LRIG1: variants seen among roughly 807,000 people sequenced by gnomAD.
The protein encoded by LRIG1 is leucine rich repeats and immunoglobulin like domains 1.
A neutral mutation model predicts 99.2 loss-of-function variants in LRIG1; 48 were observed. That is an observed-to-expected ratio of 0.48 (90% CI 0.38 to 0.62). The LOEUF (loss-of-function observed/expected upper bound fraction) is 0.62. Among genes scored for constraint, LRIG1 ranks in the 20% least tolerant of loss-of-function variants. LRIG1 has a pLI of 0.00. For missense variants in LRIG1, 1,646 were observed against 1,434.4 expected, an observed-to-expected ratio of 1.15 and a Z score of -2.38; for synonymous variants, 772 against 596.1, an observed-to-expected ratio of 1.29 and a Z score of -4.30.
intron 1 of LRIG1, among the ~76,000 whole-genome samples, chr3:66,490,780 A>G (rs904541413): frequency 6.6e-6 from 1 of 152,350 alleles, no homozygotes; most frequent in Non-Finnish European, 1.5e-5. Flanking sequence ...CATGTTGGAC[A>G]GCTTTTAAGG....
intron 13 of LRIG1, 66 bp from the exon 14 acceptor site, chr3:66,384,338 G>A (rs1701258237): frequency 1.3e-6 from 2 of 1,504,978 alleles, no homozygotes; most frequent in East Asian, 2.3e-5. Context: ...GAAGTCCTCT[G>A]GCAAACACCT....
At position 66,407,397 on chromosome 3, in the gene LRIG1, T is replaced by TG; in HGVS notation, c.1029dup (p.Ser344GlnfsTer22). 1 of 1,614,094 alleles carries TG rather than the reference T, an allele frequency of 6.2e-7. No individual in the cohort carries two copies. The highest frequency in any genetic ancestry group is 8.5e-7 in the Non-Finnish European group (1 of 1,180,030). On this transcript the variant is annotated frameshift_variant, in exon 8 of 19. Transcript: ENST00000273261. LOFTEE classifies it high-confidence loss of function. Reference sequence around the variant, plus strand: ...TTGAAGGCACCCTCCGCAATGTGGCTGATGGAATTGTGGCTGAGACGCAGG... The same window carrying TG: ...TTGAAGGCACCCTCCGCAATGTGGCTGGATGGAATTGTGGCTGAGACGCAGG...
intron 1 of LRIG1, among the ~76,000 whole-genome samples, chr3:66,484,955 A>G (rs757300147): frequency 1.5e-4 from 23 of 152,022 alleles, no homozygotes; most frequent in Non-Finnish European, 2.9e-4. Context: ...GGTGTTCGAG[A>G]CCAGCCTAGG....
chr3:66,418,951 C>T (rs938084241), intron 3 of LRIG1, among the ~76,000 whole-genome samples: 1 of 152,096 alleles, frequency 6.6e-6, no homozygotes, highest in Non-Finnish European at 1.5e-5. Context: ...CCTTTGAGTT[C>T]TTTATTAAGT....
chr3:66,414,790 A>C, intron 5 of LRIG1, 130 bp downstream of exon 5: 2 of 920,580 alleles, frequency 2.2e-6, no homozygotes, highest in East Asian at 2.8e-5. Context: ...TGCTGCCATT[A>C]ATGGTAATTT....
chr3:66,483,653 T>C (rs1700901186), intron 1 of LRIG1, among the ~76,000 whole-genome samples: 1 of 152,190 alleles, frequency 6.6e-6, no homozygotes, highest in Non-Finnish European at 1.5e-5. Flanking sequence ...CTGAGCAGAA[T>C]AACCACAAGG....
intron 3 of LRIG1, among the ~76,000 whole-genome samples, chr3:66,440,955 C>T (rs969602569): frequency 6.6e-6 from 1 of 152,206 alleles, no homozygotes; most frequent in African/African-American, 2.4e-5. Flanking sequence ...ATAAAGCCCA[C>T]ATGATGCCTG....
intron 2 of LRIG1, among the ~76,000 whole-genome samples, chr3:66,461,611 C>T (rs951949672): frequency 1.3e-5 from 2 of 152,142 alleles, no homozygotes; most frequent in Non-Finnish European, 2.9e-5. Flanking sequence ...ACTAGGTGTT[C>T]ACAATGGGTA....
chr3:66,464,784 A>G (rs979649316), intron 1 of LRIG1, among the ~76,000 whole-genome samples: 1 of 152,206 alleles, frequency 6.6e-6, no homozygotes, highest in Non-Finnish European at 1.5e-5. Flanking sequence ...ACTTGGTATA[A>G]AACCATTTAA....
intron 2 of LRIG1, among the ~76,000 whole-genome samples, chr3:66,457,524 G>A (rs1700256990): frequency 6.6e-6 from 1 of 152,192 alleles, no homozygotes; most frequent in South Asian, 2.1e-4. Context: ...GGAGGGCTGG[G>A]CAGTTCCAAA....
intron 12 of LRIG1, chr3:66,386,687 A>AG (rs975782293): frequency 5.8e-6 from 1 of 171,850 alleles, no homozygotes; most frequent in Non-Finnish European, 1.2e-5. Context: ...CTCCAAAAGG[A>AG]GGGGGTGTAA....
chr3:66,485,082 T>TGTGAGGCAAAGGTTGCA (rs1700941084), intron 1 of LRIG1, among the ~76,000 whole-genome samples: 1 of 150,646 alleles, frequency 6.6e-6, no homozygotes, highest in Non-Finnish European at 1.5e-5. Context: ...TGCTTGAACC[T>TGTGAGGCAAAGGTTGCA]GTGAGGCAAA....
At position 66,380,396 on chromosome 3, in the gene LRIG1, G is replaced by T; in HGVS notation, c.3149C>A (p.Ala1050Glu). 6.2e-7 allele frequency: 1 copy of T among 1,609,530 alleles called. No individual in the cohort carries two copies. Among genetic ancestry groups the T allele is most frequent in the African/African-American group, 1.3e-5 (1 of 74,978 alleles). ...SSLTSGSPER[A>E]EAQYLLVSNG... is the part of the protein sequence containing the mutation. ...GGAAACAAGCAAGTACTGGGCTTCC[G>T]CGCGCTCTGGACTGCCTGAAGTTAA... Residue 1050 changes from alanine (A) to glutamate (E), a missense_variant, in exon 19 of 19, where the codon GCG (alanine) becomes GAG (glutamate). By Grantham distance (107) the Ala-to-Glu change is moderately radical. Coordinates refer to ENST00000273261, the MANE Select transcript of LRIG1 (RefSeq NM_015541.3).
At chr3:66,445,453 T>G (rs969992518) in intron 3 of LRIG1, among the ~76,000 whole-genome samples, 2 of 152,052 alleles carry the variant, frequency 1.3e-5, no homozygotes, top group South Asian at 2.1e-4. Context: ...TGGTGACTGG[T>G]GGAGGGACCA....
At chr3:66,471,840 C>A (rs1018373547) in intron 1 of LRIG1, among the ~76,000 whole-genome samples, 1 of 152,170 alleles carries the variant, frequency 6.6e-6, no homozygotes, top group Non-Finnish European at 1.5e-5. Context: ...TCCACCAAAG[C>A]TTCTCTGGTC....
chr3:66,386,240 C>T lies in LRIG1; in HGVS notation c.1530G>A (p.Lys510=), dbSNP rs144106250. ...CTGCTGAGCATGTAAACCGGATGTC[C>T]TTGCCCACCATAGCCATGGTGGTTT... ...QPETTMAMVG[K]DIRFTCSAAS... is the part of the protein sequence containing the mutation. The change falls in exon 13 of 19, where the codon AAG becomes AAA. Residue 510 remains lysine (K), a synonymous_variant. Transcript: ENST00000273261. The T allele has an allele frequency of 3.7e-6, 6 of 1,613,976 alleles. No individual in the cohort carries two copies. The African/African-American group carries it at 8.0e-5, about 22-fold the overall frequency.
At chr3:66,470,274 T>C (rs1435770040) in intron 1 of LRIG1, among the ~76,000 whole-genome samples, 1 of 152,112 alleles carries the variant, frequency 6.6e-6, no homozygotes, top group Non-Finnish European at 1.5e-5. Context: ...GAGTTTGTCA[T>C]CCCTAGCATG....
At chr3:66,423,158 G>A (rs547091840) in intron 3 of LRIG1, among the ~76,000 whole-genome samples, 47 of 152,174 alleles carry the variant, frequency 3.1e-4, no homozygotes, top group African/African-American at 1.1e-3. Context: ...TTTGCAAGAT[G>A]GAAAAAAGTT....
chr3:66,479,955 G>C (rs1700810496), intron 1 of LRIG1, among the ~76,000 whole-genome samples: 1 of 152,166 alleles, frequency 6.6e-6, no homozygotes, highest in African/African-American at 2.4e-5. Flanking sequence ...CTCGGTATAT[G>C]CCCGAGGTAT....
Sources: gnomAD v4.1 joint callset for allele counts (sites outside exome capture counted in the v4.1 genomes callset) on GRCh38, gnomAD v4.1.1 for gene constraint, MANE v1.5 for transcripts, NCBI Gene and HGNC (gene_info 2026-07-23, HGNC 2026-07-21) for gene names.